Variants in DNM3 observed in about 807,000 individuals in gnomAD.
DNM3 encodes the protein dynamin-3.
DNM3 carries 47 observed loss-of-function variants against 101.6 expected under a neutral mutation model. That is an observed-to-expected ratio of 0.46 (90% CI 0.37 to 0.59). The LOEUF (loss-of-function observed/expected upper bound fraction) is 0.59. Among genes scored for constraint, DNM3 ranks in the 20% least tolerant of loss-of-function variants. The probability of loss-of-function intolerance (pLI) is 0.00; values close to 1 mark genes in which losing one functional copy is unlikely to be tolerated. For synonymous variants in DNM3, 385 were observed against 387.9 expected (o/e 0.99, Z 0.09); for missense variants, 849 against 1,085.7 (o/e 0.78, Z 3.06).
At chr1:171,911,273 CTTTTTTTTTTTT>C (rs151321245) in intron 1 of DNM3, among the ~76,000 whole-genome samples, 4 of 90,752 alleles carry the variant, frequency 4.4e-5, no homozygotes, top group Non-Finnish European at 8.1e-5. Context: ...ACCCCAACAT[CTTTTTTTTTTTT>C]TTTTTTTTTT....
At chr1:172,212,581 C>T (rs1469826347) in intron 14 of DNM3, among the ~76,000 whole-genome samples, 1 of 152,150 alleles carries the variant, frequency 6.6e-6, no homozygotes, top group Non-Finnish European at 1.5e-5. Flanking sequence ...TTATGGTGCA[C>T]AGTCACCACA....
At chr1:171,972,542 C>G (rs1412786507) in intron 2 of DNM3, among the ~76,000 whole-genome samples, 3 of 152,042 alleles carry the variant, frequency 2.0e-5, no homozygotes, top group African/African-American at 4.8e-5. Context: ...AGGCAGTATG[C>G]GAGGCACTTT....
intron 1 of DNM3, among the ~76,000 whole-genome samples, chr1:171,917,905 G>A (rs544336643): frequency 7.2e-5 from 11 of 152,194 alleles, no homozygotes; most frequent in South Asian, 6.2e-4. Flanking sequence ...ATATGCTTAC[G>A]GGAGAAAACC....
chr1:172,184,716 AG>A (rs775019117), intron 14 of DNM3, among the ~76,000 whole-genome samples: 10 of 152,266 alleles, frequency 6.6e-5, no homozygotes, highest in East Asian at 3.9e-4. Flanking sequence ...GAGTTTATTA[AG>A]TACGGAATCT....
chr1:172,294,983 A>G lies in DNM3; in HGVS notation c.1770-13745A>G, dbSNP rs867882493. The stretch of plus-strand genomic sequence containing the variant: ...CCTTCTCTATTTATTATTTATTACT[A>G]TACCCCAAAAGTCATACACAACAAA... On this transcript the variant is annotated intron_variant, in intron 15 of 20. Transcript: ENST00000627582. Among the ~76,000 whole-genome samples the G allele has an allele frequency of 2.0e-5, 3 of 152,122 alleles. No individual in the cohort carries two copies. In the East Asian group the frequency reaches 5.8e-4, roughly 29 times the overall value.
intron 17 of DNM3, among the ~76,000 whole-genome samples, chr1:172,358,235 C>T (rs748270493): frequency 1.3e-5 from 2 of 151,906 alleles, no homozygotes. Flanking sequence ...CTAACTTGTG[C>T]AAGAATGTGC....
At chr1:171,935,667 C>A (rs1050079197) in intron 2 of DNM3, among the ~76,000 whole-genome samples, 1 of 150,398 alleles carries the variant, frequency 6.6e-6, no homozygotes, top group East Asian at 2.0e-4. Flanking sequence ...TTGTGTGCCT[C>A]TCTTTCCATG....
rs370879881 is a variant in DNM3, at chr1:172,291,949, T to A, written c.1770-16779T>A. On this transcript the variant is annotated intron_variant, in intron 15 of 20. Transcript: ENST00000627582. The stretch of plus-strand genomic sequence containing the variant: ...TTGCCAGAATCAGGATTCAGACATC[T>A]GAGCAAACTAGAAGGATGGGCCCAG... Among the ~76,000 whole-genome samples the A allele has an allele frequency of 4.6e-5, 7 of 152,316 alleles. No homozygotes were observed. In the South Asian group the frequency reaches 1.2e-3, roughly 27 times the overall value.
intron 14 of DNM3, among the ~76,000 whole-genome samples, chr1:172,141,388 T>C (rs1271146256): frequency 1.3e-5 from 2 of 152,076 alleles, no homozygotes; most frequent in Admixed American, 6.6e-5. Context: ...TTCTGAGTGA[T>C]GGTCTCTTAG....
chr1:171,951,755 A>G (rs1207203342), intron 2 of DNM3, among the ~76,000 whole-genome samples: 2 of 152,194 alleles, frequency 1.3e-5, no homozygotes, highest in Non-Finnish European at 1.5e-5. Flanking sequence ...TCTGTAAAAC[A>G]TTTCAAAAGG....
chr1:172,069,533 G>T (rs1013666120), intron 11 of DNM3, among the ~76,000 whole-genome samples: 1 of 152,138 alleles, frequency 6.6e-6, no homozygotes, highest in African/African-American at 2.4e-5. Context: ...TTCAAGTGAG[G>T]ATAATTCATT....
chr1:172,340,750 A>G (rs2066648968), intron 17 of DNM3, among the ~76,000 whole-genome samples: 1 of 152,192 alleles, frequency 6.6e-6, no homozygotes, highest in Non-Finnish European at 1.5e-5. Flanking sequence ...TCATCTGCAA[A>G]CAGGGACAGT....
intron 1 of DNM3, among the ~76,000 whole-genome samples, chr1:171,849,629 C>T (rs2032670900): frequency 6.6e-6 from 1 of 152,088 alleles, no homozygotes; most frequent in South Asian, 2.1e-4. Context: ...GCATTGCCCA[C>T]ATTCGTTAAA....
intron 1 of DNM3, 58 bp downstream of exon 1, chr1:171,841,875 G>T (rs919417389): frequency 3.9e-6 from 6 of 1,553,652 alleles, no homozygotes; most frequent in Non-Finnish European, 5.2e-6. Context: ...GCTGCGGGCC[G>T]TTGGAACGTG....
At chr1:171,897,237 G>T (rs1233977953) in intron 1 of DNM3, among the ~76,000 whole-genome samples, 3 of 152,110 alleles carry the variant, frequency 2.0e-5, no homozygotes, top group Admixed American at 2.0e-4. Flanking sequence ...TTAGTGTAGA[G>T]TTGCCACCTT....
At position 172,056,482 on chromosome 1, in the gene DNM3, G is replaced by A. The variant is rs1267397765; in HGVS notation, c.1335+7732G>A. Among the ~76,000 whole-genome samples, 9 of 152,256 alleles carry A rather than the reference G, an allele frequency of 5.9e-5. No individual in the cohort carries two copies. In the East Asian group the frequency reaches 7.7e-4, roughly 13 times the overall value. On this transcript the variant is annotated intron_variant, in intron 10 of 20. Transcript: ENST00000627582. ...AAGAGAGCAGTGGTTCTTCCAGTAC[G>A]CAGCTGGAGATCTGAGAACGGGCAG...
intron 2 of DNM3, among the ~76,000 whole-genome samples, chr1:171,951,129 A>G (rs2042497746): frequency 6.6e-6 from 1 of 152,098 alleles, no homozygotes; most frequent in African/African-American, 2.4e-5. Context: ...TGTAAACTCT[A>G]TTTGCCTCAT....
intron 17 of DNM3, among the ~76,000 whole-genome samples, chr1:172,352,210 A>G (rs1325690597): frequency 6.6e-6 from 1 of 152,226 alleles, no homozygotes; most frequent in East Asian, 1.9e-4. Context: ...TTCATGAAGA[A>G]ATTCCAATTT....
intron 16 of DNM3, among the ~76,000 whole-genome samples, chr1:172,317,453 G>A (rs1018003801): frequency 4.6e-5 from 7 of 152,060 alleles, no homozygotes; most frequent in Admixed American, 1.3e-4. Flanking sequence ...TCCAGAACCT[G>A]GTTTTTAGAA....
Sources: gnomAD v4.1 joint callset for allele counts (sites outside exome capture counted in the v4.1 genomes callset) on GRCh38, gnomAD v4.1.1 for gene constraint, MANE v1.5 for transcripts, NCBI Gene and HGNC (gene_info 2026-07-23, HGNC 2026-07-21) for gene names.